The following CNTN4 variants were observed in gnomAD, a reference collection of about 807,000 sequenced individuals.
CNTN4 encodes contactin 4, also known as contactin-4.
CNTN4 carries 77 observed loss-of-function variants against 122.5 expected under a neutral mutation model. The ratio of observed to expected loss-of-function variants is 0.63; its 90% CI spans 0.52 to 0.76. The LOEUF (loss-of-function observed/expected upper bound fraction) is 0.76, where lower values mean the gene tolerates loss of function less well. Ranked by LOEUF, CNTN4 falls within the 30% of genes least tolerant of loss-of-function variation. The pLI is 0.00. For synonymous variants in CNTN4, 512 were observed against 447.0 expected (o/e 1.15, Z -1.83); for missense variants, 1,256 against 1,259.1 (o/e 1.00, Z 0.04).
At chr3:2,678,070 G>C (rs1305330144) in intron 4 of CNTN4, among the ~76,000 whole-genome samples, 1 of 151,718 alleles carries the variant, frequency 6.6e-6, no homozygotes, top group African/African-American at 2.4e-5. Context: ...AATAATTTAA[G>C]GTAGGAAAAA....
At chr3:3,007,226 G>A (rs1245481804) in intron 14 of CNTN4, among the ~76,000 whole-genome samples, 2 of 152,218 alleles carry the variant, frequency 1.3e-5, no homozygotes, top group African/African-American at 4.8e-5. Context: ...GTCTTGTTGT[G>A]TACTAGGTAT....
chr3:2,802,860 C>G (rs1559519812), intron 6 of CNTN4, among the ~76,000 whole-genome samples: 1 of 135,892 alleles, frequency 7.4e-6, no homozygotes, highest in Non-Finnish European at 1.7e-5. Context: ...AACTTTAATA[C>G]TTTTAGAAAA....
intron 7 of CNTN4, among the ~76,000 whole-genome samples, chr3:2,821,734 A>G (rs2092879512): frequency 6.6e-6 from 1 of 152,186 alleles, no homozygotes; most frequent in Non-Finnish European, 1.5e-5. Flanking sequence ...AAGTAGTAAT[A>G]TTTATTAGGA....
chr3:2,284,199 G>T (rs2149922757), intron 2 of CNTN4, among the ~76,000 whole-genome samples: 1 of 152,260 alleles, frequency 6.6e-6, no homozygotes, highest in African/African-American at 2.4e-5. Flanking sequence ...AAATTAGAAT[G>T]ATGCCTGTAG....
At chr3:2,772,157 A>C (rs1053896663) in intron 6 of CNTN4, among the ~76,000 whole-genome samples, 1 of 152,160 alleles carries the variant, frequency 6.6e-6, no homozygotes, top group Non-Finnish European at 1.5e-5. Flanking sequence ...GTTTTAAGCC[A>C]GCAGAGTGGT....
intron 2 of CNTN4, among the ~76,000 whole-genome samples, chr3:2,311,261 T>C (rs2042904493): frequency 6.6e-6 from 1 of 152,142 alleles, no homozygotes; most frequent in South Asian, 2.1e-4. Context: ...CAGATTGAGT[T>C]AATGATGAAT....
At chr3:2,179,947 T>G (rs1393118804) in intron 2 of CNTN4, among the ~76,000 whole-genome samples, 1 of 152,010 alleles carries the variant, frequency 6.6e-6, no homozygotes, top group East Asian at 1.9e-4. Flanking sequence ...ATATTTTACA[T>G]TTTTTGTACT....
Position 3,043,614 on chromosome 3 carries a change from C to T in CNTN4, c.2721C>T (p.Asn907=). ...TAGCACCAAGTCAACCCCCCGGAAA[C>T]ATCATATGGAATTCATCAGACTCCA... ...RKPPPSQPPG[N]IIWNSSDSKI... Residue 907 remains asparagine, a synonymous_variant, in exon 23 of 25, where the codon AAC becomes AAT. Coordinates refer to ENST00000418658, the MANE Select transcript of CNTN4 (RefSeq NM_175607.3). 1 of 1,613,812 alleles carries T rather than the reference C, an allele frequency of 6.2e-7. No individual in the cohort carries two copies. The highest frequency in any genetic ancestry group is 8.5e-7 in the Non-Finnish European group (1 of 1,179,706).
intron 2 of CNTN4, among the ~76,000 whole-genome samples, chr3:2,262,131 C>A (rs948626114): frequency 9.2e-5 from 14 of 152,070 alleles, no homozygotes; most frequent in African/African-American, 3.1e-4. Flanking sequence ...CCCTTCTGCA[C>A]AACACTTTCC....
intron 2 of CNTN4, among the ~76,000 whole-genome samples, chr3:2,205,922 T>A (rs58911843): frequency 0.01 from 1,551 of 152,240 alleles, 22 homozygotes; most frequent in African/African-American, 0.035. Context: ...AAGTCTCATT[T>A]TGAGGAAATG....
chr3:2,920,626 C>T (rs1411054683), intron 12 of CNTN4, among the ~76,000 whole-genome samples: 2 of 152,010 alleles, frequency 1.3e-5, no homozygotes, highest in South Asian at 4.2e-4. Context: ...AGAAAATTTT[C>T]AGCAGAAGAA....
In CNTN4 at chr3:3,056,365, A is replaced by G; in HGVS notation, c.*145A>G. On this transcript the variant is annotated 3_prime_UTR_variant, in exon 25 of 25. Coordinates refer to ENST00000418658, the MANE Select transcript of CNTN4 (RefSeq NM_175607.3). ...TGTTTTTTGCTTCTTTAGGAATGGC[A>G]TTATACAGTACTTCCTCAAAGCAAA... 1 of 670,242 alleles carries G rather than the reference A, an allele frequency of 1.5e-6. No individual in the cohort carries two copies. Among genetic ancestry groups the G allele is most frequent in the Non-Finnish European group, 2.7e-6 (1 of 374,070 alleles). The allele number at this position is 670,242 out of a possible 1,614,324, so 41.5% of individuals were successfully genotyped here.
intron 3 of CNTN4, among the ~76,000 whole-genome samples, chr3:2,449,460 C>A (rs897004797): frequency 6.6e-6 from 1 of 151,748 alleles, no homozygotes; most frequent in Non-Finnish European, 1.5e-5. Context: ...ACTAAAAATA[C>A]AAAAATTAGC....
intron 6 of CNTN4, among the ~76,000 whole-genome samples, chr3:2,762,884 G>T (rs1168368672): frequency 6.7e-6 from 1 of 150,242 alleles, no homozygotes; most frequent in Non-Finnish European, 1.5e-5. Flanking sequence ...GGTGTGAGGT[G>T]GTATCTCATT....
intron 4 of CNTN4, among the ~76,000 whole-genome samples, chr3:2,735,508 T>C (rs908846533): frequency 6.6e-6 from 1 of 152,198 alleles, no homozygotes; most frequent in Non-Finnish European, 1.5e-5. Context: ...TCCAAGCACA[T>C]AATCAGTGGA....
chr3:2,860,225 A>G (rs2150763554), intron 7 of CNTN4, among the ~76,000 whole-genome samples: 1 of 152,298 alleles, frequency 6.6e-6, no homozygotes, highest in East Asian at 1.9e-4. Flanking sequence ...AAAAGCTTTC[A>G]CTTTATGTGC....
At chr3:2,432,018 G>A (rs571353843) in intron 3 of CNTN4, among the ~76,000 whole-genome samples, 10 of 152,230 alleles carry the variant, frequency 6.6e-5, no homozygotes, top group African/African-American at 2.2e-4. Context: ...CCTGCAAATC[G>A]CAAACCATCC....
chr3:2,780,458 T>TTTGGC (rs1337310264), intron 6 of CNTN4, among the ~76,000 whole-genome samples: 2 of 152,232 alleles, frequency 1.3e-5, no homozygotes, highest in Non-Finnish European at 2.9e-5. Flanking sequence ...GCATTTTCTC[T>TTTGGC]TTGGCTTCCA....
intron 3 of CNTN4, among the ~76,000 whole-genome samples, chr3:2,557,869 A>C (rs1488402173): frequency 2.6e-5 from 4 of 152,106 alleles, no homozygotes; most frequent in African/African-American, 9.7e-5. Flanking sequence ...TATTGATTGC[A>C]TCTTGGGAAT....
Sources: allele counts gnomAD v4.1 joint callset (sites outside exome capture counted in the v4.1 genomes callset), GRCh38; gene constraint gnomAD v4.1.1; transcripts MANE v1.5; gene names NCBI Gene and HGNC (gene_info 2026-07-23, HGNC 2026-07-21).